Variants in SGIP1 observed in about 807,000 individuals in gnomAD.
SGIP1 encodes the protein SH3GL interacting endocytic adaptor 1, also known as SH3-containing GRB2-like protein 3-interacting protein 1.
In SGIP1, 38 loss-of-function variants were observed where a neutral mutation model predicts 107.5. The ratio of observed to expected loss-of-function variants is 0.35; its 90% confidence interval spans 0.27 to 0.46. The LOEUF (loss-of-function observed/expected upper bound fraction) is 0.46. SGIP1 is among the 20% of genes least tolerant of loss of function. The probability of loss-of-function intolerance (pLI) is 1.00; values close to 1 mark genes in which losing one functional copy is unlikely to be tolerated. For missense variants in SGIP1, 929 were observed against 1,019.5 expected, an observed-to-expected ratio of 0.91 and a Z score of 1.21; for synonymous variants, 365 against 366.1, an observed-to-expected ratio of 1.00 and a Z score of 0.03.
At chr1:66,636,946 G>A (rs913522957) in intron 4 of SGIP1, among the ~76,000 whole-genome samples, 6 of 152,050 alleles carry the variant, frequency 3.9e-5, no homozygotes, top group Non-Finnish European at 8.8e-5. Flanking sequence ...ATGAAGACAT[G>A]ATTAGCGTCA....
rs118025265 is a variant in SGIP1, at chr1:66,665,136, C to T, written c.472-2394C>T. Among the ~76,000 whole-genome samples, 264 of 152,234 alleles carry T rather than the reference C, an allele frequency of 1.7e-3. 8 individuals carry two copies. In the East Asian group the frequency reaches 0.045, roughly 26 times the overall value. On this transcript the variant is annotated intron_variant, in intron 8 of 24. Coordinates refer to ENST00000371037, the MANE Select transcript of SGIP1 (RefSeq NM_032291.4). ...TATCCCTCCCCCATCCACCACCCCA[C>T]GACAGGTCCTGATGTGTGATGTTCC... is the stretch of plus-strand genomic sequence containing the variant.
At chr1:66,695,581 C>A in intron 18 of SGIP1, 88 bp downstream of exon 18, 2 of 1,320,888 alleles carry the variant, frequency 1.5e-6, no homozygotes, top group East Asian at 2.4e-5. Flanking sequence ...CAGTTCTCTT[C>A]AAAAGTTCTG....
chr1:66,574,566 G>A (rs904107708), intron 1 of SGIP1, among the ~76,000 whole-genome samples: 1 of 152,134 alleles, frequency 6.6e-6, no homozygotes, highest in Non-Finnish European at 1.5e-5. Context: ...AGGAGAATAT[G>A]CTTTATATGC....
intron 18 of SGIP1, among the ~76,000 whole-genome samples, chr1:66,701,467 C>T (rs1433983229): frequency 1.3e-5 from 2 of 152,152 alleles, no homozygotes; most frequent in African/African-American, 4.8e-5. Flanking sequence ...AAACCACGCT[C>T]CTTAGCTATT....
intron 7 of SGIP1, among the ~76,000 whole-genome samples, chr1:66,647,960 C>T (rs1249872289): frequency 6.6e-6 from 1 of 152,122 alleles, no homozygotes; most frequent in Non-Finnish European, 1.5e-5. Context: ...GTTCAGTGTG[C>T]AAGATGTTTT....
intron 1 of SGIP1, among the ~76,000 whole-genome samples, chr1:66,622,125 A>G (rs1247902843): frequency 6.6e-6 from 1 of 152,218 alleles, no homozygotes; most frequent in African/African-American, 2.4e-5. Context: ...TCACCCTCAG[A>G]AAAGGATATA....
Position 66,741,316 on chromosome 1 carries a change from A to G in SGIP1, c.2344A>G (p.Ser782Gly), listed in dbSNP as rs1234610220. The change falls in exon 24 of 25, where the codon AGC (serine) becomes GGC (glycine). Residue 782 changes from serine (S) to glycine (G), a missense_variant. Physicochemically the swap from Ser to Gly is moderately conservative, Grantham distance 56. Transcript: ENST00000371037. ...LARFQLSEGP[S>G]KPSPLVVQFT... ...AAGATTTCAGTTATCTGAAGGCCCA[A>G]GCAAACCTTCTCCATTGGTTGTGCA... is the stretch of plus-strand genomic sequence containing the variant. 6.2e-7 allele frequency: 1 copy of G among 1,606,060 alleles called. No individual in the cohort carries two copies. Among genetic ancestry groups the G allele is most frequent in the African/African-American group, 1.3e-5 (1 of 74,526 alleles).
chr1:66,636,581 A>G (rs1166034234), intron 4 of SGIP1, among the ~76,000 whole-genome samples: 1 of 152,248 alleles, frequency 6.6e-6, no homozygotes, highest in Non-Finnish European at 1.5e-5. Context: ...CAAGTACTTC[A>G]TAGCCACTTG....
At chr1:66,731,596 T>C (rs2094010716) in intron 20 of SGIP1, among the ~76,000 whole-genome samples, 1 of 152,208 alleles carries the variant, frequency 6.6e-6, no homozygotes, top group Admixed American at 6.5e-5. Context: ...ACTTGATCAC[T>C]GTAACAGGGC....
At chr1:66,652,021 AGT>A (rs2078857339) in intron 7 of SGIP1, among the ~76,000 whole-genome samples, 1 of 152,158 alleles carries the variant, frequency 6.6e-6, no homozygotes, top group Admixed American at 6.6e-5. Flanking sequence ...TCTGGGAGGT[AGT>A]GATGCCCCTA....
rs190874513 is a variant in SGIP1 at position 66,650,284 on chromosome 1, C to G, written c.459+6565C>G. On this transcript the variant is annotated intron_variant, in intron 7 of 24. Coordinates refer to ENST00000371037, the MANE Select transcript of SGIP1 (RefSeq NM_032291.4). The stretch of plus-strand genomic sequence containing the variant: ...CCCCTGAATACATATGGTACTTCTT[C>G]GGGAGACTTATTGAAGGCTAACATT... Among the ~76,000 whole-genome samples the G allele has an allele frequency of 3.9e-5, 6 of 152,212 alleles. No individual in the cohort carries two copies. In the East Asian group the frequency reaches 7.7e-4, roughly 20 times the overall value.
At chr1:66,716,426 A>G (rs1193155243) in intron 18 of SGIP1, among the ~76,000 whole-genome samples, 2 of 152,128 alleles carry the variant, frequency 1.3e-5, no homozygotes, top group African/African-American at 4.8e-5. Context: ...TTATATACCA[A>G]TATCTGCTTT....
intron 1 of SGIP1, among the ~76,000 whole-genome samples, chr1:66,621,122 T>A (rs1316339553): frequency 6.6e-6 from 1 of 152,178 alleles, no homozygotes; most frequent in Non-Finnish European, 1.5e-5. Flanking sequence ...AAAATGCATT[T>A]GCTTATGAAA....
chr1:66,665,264 T>G (rs1001740217), intron 8 of SGIP1, among the ~76,000 whole-genome samples: 6 of 152,116 alleles, frequency 3.9e-5, no homozygotes, highest in African/African-American at 1.4e-4. Flanking sequence ...AGAATGATGG[T>G]TTCCAGCTTC....
At position 66,711,052 on chromosome 1, in the gene SGIP1, A is replaced by C. The variant is rs1026695547; in HGVS notation, c.1631-8242A>C. 2.0e-5 allele frequency among the ~76,000 whole-genome samples: 3 copies of C among 152,260 alleles called. No homozygotes were observed. The South Asian group carries it at 6.2e-4, about 32-fold the overall frequency. Reference sequence around the variant, plus strand: ...ATACCCTTCCCAAAAATATCAACACAAACTATTTTTATTCATTCCAAGAAC... The same window carrying C: ...ATACCCTTCCCAAAAATATCAACACCAACTATTTTTATTCATTCCAAGAAC... On this transcript the variant is annotated intron_variant, in intron 18 of 24. Transcript: ENST00000371037.
chr1:66,633,113 AT>A lies in SGIP1; in HGVS notation c.99+24del, dbSNP rs778809182. On this transcript the variant is annotated intron_variant, in intron 3 of 24. Transcript: ENST00000371037. ...TGGAATTGTAAGTATTTAAATAACCATTTTTACTGAGTTTGTGCTTCAATAT... is the reference window on the plus strand; with the variant it reads ...TGGAATTGTAAGTATTTAAATAACCATTTTACTGAGTTTGTGCTTCAATAT... 1.3e-6 allele frequency: 2 copies of A among 1,507,388 alleles called. No individual in the cohort carries two copies. Among genetic ancestry groups the A allele is most frequent in the Non-Finnish European group, 1.8e-6 (2 of 1,085,310 alleles). The allele number at this position is 1,507,388 out of a possible 1,614,324, so 93.4% of individuals were successfully genotyped here.
intron 18 of SGIP1, among the ~76,000 whole-genome samples, chr1:66,711,038 A>C (rs2092880919): frequency 6.6e-6 from 1 of 152,170 alleles, no homozygotes; most frequent in Non-Finnish European, 1.5e-5. Context: ...TACCCTTCCC[A>C]AAAATATCAA....
At chr1:66,717,620 A>T (rs2093318247) in intron 18 of SGIP1, among the ~76,000 whole-genome samples, 3 of 152,126 alleles carry the variant, frequency 2.0e-5, no homozygotes, top group Admixed American at 2.0e-4. Flanking sequence ...TTGGTACTAT[A>T]ATTGCCTACT....
At chr1:66,577,271 T>C (rs2061194983) in intron 1 of SGIP1, among the ~76,000 whole-genome samples, 1 of 152,208 alleles carries the variant, frequency 6.6e-6, no homozygotes, top group African/African-American at 2.4e-5. Context: ...GTTCATGGCA[T>C]GTGCTTACAG....
Sources: allele counts gnomAD v4.1 joint callset (sites outside exome capture counted in the v4.1 genomes callset), GRCh38; gene constraint gnomAD v4.1.1; transcripts MANE v1.5; gene names NCBI Gene and HGNC (gene_info 2026-07-23, HGNC 2026-07-21).